The following TTC1 variants were observed in gnomAD, a reference collection of about 807,000 sequenced individuals.
The protein encoded by TTC1 is tetratricopeptide repeat domain 1.
In TTC1, 31 loss-of-function variants were observed where a neutral mutation model predicts 37.6. The observed-to-expected ratio is 0.82, with a 90% CI of 0.62 to 1.11. The LOEUF is 1.11. Among genes scored for constraint, TTC1 ranks in the 50% most tolerant of loss-of-function variants. TTC1 has a pLI of 0.00. For synonymous variants in TTC1, 127 were observed against 122.4 expected (o/e 1.04, Z -0.25); for missense variants, 351 against 339.0 (o/e 1.04, Z -0.28).
chr5:160,027,860 T>G (rs1220198197), intron 2 of TTC1, among the ~76,000 whole-genome samples: 1 of 152,224 alleles, frequency 6.6e-6, no homozygotes, highest in Non-Finnish European at 1.5e-5. Flanking sequence ...ATTTTTCTCT[T>G]GTGGCTTTCA....
At chr5:160,027,869 C>T (rs1381366707) in intron 2 of TTC1, among the ~76,000 whole-genome samples, 1 of 152,138 alleles carries the variant, frequency 6.6e-6, no homozygotes, top group Non-Finnish European at 1.5e-5. Flanking sequence ...TTGTGGCTTT[C>T]ACATTTTCTC....
At chr5:160,016,703 A>T (rs187082983) in intron 2 of TTC1, among the ~76,000 whole-genome samples, 28 of 152,324 alleles carry the variant, frequency 1.8e-4, no homozygotes, top group African/African-American at 6.5e-4. Flanking sequence ...AAAATTGATT[A>T]CTTTACAACC....
intron 5 of TTC1, among the ~76,000 whole-genome samples, chr5:160,048,998 T>C (rs1757331473): frequency 6.6e-6 from 1 of 152,120 alleles, no homozygotes; most frequent in African/African-American, 2.4e-5. Flanking sequence ...TTGAACTCTG[T>C]TCTGGCCTGT....
At chr5:160,058,702 C>T (rs573390415) in intron 7 of TTC1, among the ~76,000 whole-genome samples, 152 of 152,180 alleles carry the variant, frequency 1.0e-3, no homozygotes, top group African/African-American at 3.3e-3. Flanking sequence ...TGAGCCACCG[C>T]GCCTGGCCAA....
At chr5:160,017,739 G>A (rs1349755341) in intron 2 of TTC1, among the ~76,000 whole-genome samples, 1 of 152,168 alleles carries the variant, frequency 6.6e-6, no homozygotes, top group African/African-American at 2.4e-5. Context: ...CACAGGTTTT[G>A]CACAATCTTC....
Position 160,035,129 on chromosome 5 carries a change from A to T in TTC1, c.331-11A>T, listed in dbSNP as rs371366166. 1.9e-6 allele frequency: 3 copies of T among 1,589,566 alleles called. No individual in the cohort carries two copies. The African/African-American group carries it at 4.1e-5, about 22-fold the overall frequency. On this transcript the variant is annotated splice_polypyrimidine_tract_variant and intron_variant, in intron 2 of 7. Coordinates refer to ENST00000231238, the MANE Select transcript of TTC1 (RefSeq NM_003314.3). ...TTGTGAGAAATTATGTAATTCTCTGATGTCTTTCAGAAAAGAAGAGAAGAG... is the reference window on the plus strand; with the variant it reads ...TTGTGAGAAATTATGTAATTCTCTGTTGTCTTTCAGAAAAGAAGAGAAGAG...
At chr5:160,046,020 C>T (rs1382758129) in intron 5 of TTC1, among the ~76,000 whole-genome samples, 1 of 152,180 alleles carries the variant, frequency 6.6e-6, no homozygotes, top group Non-Finnish European at 1.5e-5. Flanking sequence ...AGATTACAGG[C>T]ATGAGCCACT....
At chr5:160,058,304 AC>A (rs1253866721) in intron 7 of TTC1, among the ~76,000 whole-genome samples, 2 of 151,514 alleles carry the variant, frequency 1.3e-5, no homozygotes, top group Non-Finnish European at 2.9e-5. Context: ...TGAAGTCTTC[AC>A]CCCCTCAAAG....
chr5:160,059,435 G>A (rs1020583327), intron 7 of TTC1, among the ~76,000 whole-genome samples: 3 of 152,192 alleles, frequency 2.0e-5, no homozygotes, highest in Admixed American at 2.0e-4. Flanking sequence ...GTTGTGGCTG[G>A]TTTGATCTTC....
intron 1 of TTC1, among the ~76,000 whole-genome samples, chr5:160,009,466 G>T (rs1272469533): frequency 6.6e-6 from 1 of 152,096 alleles, no homozygotes; most frequent in Non-Finnish European, 1.5e-5. Flanking sequence ...ATTTTGCTGC[G>T]ACTAGAGCAA....
chr5:160,026,441 T>A (rs1756807577), intron 2 of TTC1, among the ~76,000 whole-genome samples: 1 of 152,252 alleles, frequency 6.6e-6, no homozygotes, highest in African/African-American at 2.4e-5. Context: ...CTGTTGCTCC[T>A]CTGAATTCAG....
chr5:160,041,323 T>TG (rs1757089322), intron 4 of TTC1, among the ~76,000 whole-genome samples: 1 of 151,520 alleles, frequency 6.6e-6, no homozygotes, highest in Non-Finnish European at 1.5e-5. Flanking sequence ...CTTTTTTTTT[T>TG]TTTTTTGGAG....
At chr5:160,040,973 T>C (rs561988481) in intron 4 of TTC1, among the ~76,000 whole-genome samples, 184 of 151,972 alleles carry the variant, frequency 1.2e-3, no homozygotes, top group African/African-American at 4.2e-3. Context: ...TTTTAAACTT[T>C]TCTGTTGAAA....
At chr5:160,047,061 G>C (rs1757270234) in intron 5 of TTC1, among the ~76,000 whole-genome samples, 1 of 152,052 alleles carries the variant, frequency 6.6e-6, no homozygotes, top group South Asian at 2.1e-4. Context: ...AACAAAAGGA[G>C]TATTTTCATA....
At chr5:160,028,572 C>T (rs1243699199) in intron 2 of TTC1, among the ~76,000 whole-genome samples, 2 of 152,162 alleles carry the variant, frequency 1.3e-5, no homozygotes, top group Admixed American at 6.5e-5. Context: ...TTCCTGGGCT[C>T]AAGCGATCCT....
chr5:160,016,397 T>A (rs1039571034), intron 2 of TTC1, among the ~76,000 whole-genome samples: 34 of 152,228 alleles, frequency 2.2e-4, no homozygotes, highest in South Asian at 6.2e-4. Context: ...ATAAATAATT[T>A]AAAAAATTTT....
intron 7 of TTC1, among the ~76,000 whole-genome samples, chr5:160,052,949 G>GC (rs2113401688): frequency 6.6e-6 from 1 of 152,294 alleles, no homozygotes; most frequent in South Asian, 2.1e-4. Flanking sequence ...TTACACATGT[G>GC]TAGTTTGAAT....
At chr5:160,028,717 GC>G (rs1756854585) in intron 2 of TTC1, among the ~76,000 whole-genome samples, 1 of 151,922 alleles carries the variant, frequency 6.6e-6, no homozygotes, top group South Asian at 2.1e-4. Flanking sequence ...CAGCCAGTTC[GC>G]CCACCTCGAC....
chr5:160,050,568 T>C (rs956016727), intron 6 of TTC1, among the ~76,000 whole-genome samples: 7 of 152,128 alleles, frequency 4.6e-5, no homozygotes, highest in Admixed American at 3.3e-4. Context: ...TAAATTTGTA[T>C]TGATGCCCTC....
Sources: allele counts gnomAD v4.1 joint callset (sites outside exome capture counted in the v4.1 genomes callset), GRCh38; gene constraint gnomAD v4.1.1; transcripts MANE v1.5; gene names NCBI Gene and HGNC (gene_info 2026-07-23, HGNC 2026-07-21).